Variants in ADAMTS19 observed in about 807,000 individuals in gnomAD.
ADAMTS19 encodes ADAM metallopeptidase with thrombospondin type 1 motif 19.
ADAMTS19 carries 93 observed loss-of-function variants against 153.3 expected under a neutral mutation model. The observed-to-expected ratio is 0.61, with a 90% CI of 0.51 to 0.72. ADAMTS19 has a LOEUF of 0.72. Ranked by LOEUF, ADAMTS19 falls within the 30% of genes least tolerant of loss-of-function variation. The pLI is 0.00. For synonymous variants in ADAMTS19, 600 were observed against 556.6 expected (o/e 1.08, Z -1.10); for missense variants, 1,482 against 1,552.1 (o/e 0.95, Z 0.76).
At chr5:129,468,606 C>T (rs887572871) in intron 2 of ADAMTS19, among the ~76,000 whole-genome samples, 3 of 152,098 alleles carry the variant, frequency 2.0e-5, no homozygotes, top group Non-Finnish European at 4.4e-5. Flanking sequence ...CCCACCTTGG[C>T]CTCCCAAAGT....
intron 2 of ADAMTS19, among the ~76,000 whole-genome samples, chr5:129,478,572 G>A: frequency 6.6e-6 from 1 of 152,018 alleles, no homozygotes; most frequent in East Asian, 1.9e-4. Context: ...TTAGAAACAG[G>A]GTCTTGCTCT....
At chr5:129,553,131 T>G (rs1033292581) in intron 7 of ADAMTS19, among the ~76,000 whole-genome samples, 1 of 152,124 alleles carries the variant, frequency 6.6e-6, no homozygotes, top group African/African-American at 2.4e-5. Context: ...AAAGCTTGTC[T>G]CAAAATAATA....
chr5:129,604,430 G>A (rs940974546), intron 8 of ADAMTS19, among the ~76,000 whole-genome samples: 1 of 152,076 alleles, frequency 6.6e-6, no homozygotes, highest in African/African-American at 2.4e-5. Flanking sequence ...AAGCATTTTA[G>A]TGGCACCACC....
At chr5:129,493,444 A>G (rs898330320) in intron 2 of ADAMTS19, among the ~76,000 whole-genome samples, 2 of 152,104 alleles carry the variant, frequency 1.3e-5, no homozygotes, top group African/African-American at 4.8e-5. Flanking sequence ...TTCTCAATTC[A>G]TTTTGCATTT....
chr5:129,726,670 T>A (rs1757224100), intron 21 of ADAMTS19, among the ~76,000 whole-genome samples: 1 of 152,120 alleles, frequency 6.6e-6, no homozygotes, highest in African/African-American at 2.4e-5. Context: ...AATAAAACTA[T>A]ATAGTGCATA....
intron 21 of ADAMTS19, among the ~76,000 whole-genome samples, chr5:129,710,535 C>T (rs1026307148): frequency 1.3e-5 from 2 of 152,148 alleles, no homozygotes; most frequent in Non-Finnish European, 2.9e-5. Flanking sequence ...ATCAAAACCC[C>T]AGTGTGATAC....
rs1477214363 is a variant in ADAMTS19, at chr5:129,738,583, T to C, written c.*1365T>C. 1.3e-5 allele frequency: 2 copies of C among 152,030 alleles called. No homozygotes were observed. Among genetic ancestry groups the C allele is most frequent in the Non-Finnish European group, 2.9e-5 (2 of 67,988 alleles). The allele number at this position is 152,030 out of a possible 1,614,324, so 9.4% of individuals were successfully genotyped here. ...TTCTGAGGTCACCTGGCTCTCTTCA[T>C]GTCACCCTTTGGGAAATGGGGCTCA... On this transcript the variant is annotated 3_prime_UTR_variant, in exon 23 of 23. Transcript: ENST00000274487.
At chr5:129,483,288 C>G (rs752161849) in intron 2 of ADAMTS19, among the ~76,000 whole-genome samples, 2 of 152,136 alleles carry the variant, frequency 1.3e-5, no homozygotes, top group Non-Finnish European at 2.9e-5. Flanking sequence ...CTCTCTGAGT[C>G]TCTGTTGCTT....
intron 6 of ADAMTS19, among the ~76,000 whole-genome samples, chr5:129,545,919 A>G (rs1277409202): frequency 6.7e-6 from 1 of 149,328 alleles, no homozygotes; most frequent in Non-Finnish European, 1.5e-5. Flanking sequence ...TCATGCTGCT[A>G]TAAAGACACA....
At chr5:129,728,039 C>T (rs1757278486) in intron 21 of ADAMTS19, among the ~76,000 whole-genome samples, 1 of 152,150 alleles carries the variant, frequency 6.6e-6, no homozygotes, top group Non-Finnish European at 1.5e-5. Context: ...CCCACCAAAA[C>T]CAAGATGGTG....
At chr5:129,592,990 A>T (rs1393338720) in intron 7 of ADAMTS19, among the ~76,000 whole-genome samples, 1 of 152,156 alleles carries the variant, frequency 6.6e-6, no homozygotes, top group African/African-American at 2.4e-5. Flanking sequence ...ACATGCTATT[A>T]TATTATAAAC....
chr5:129,462,622 G>T (rs1194880805), intron 2 of ADAMTS19, among the ~76,000 whole-genome samples: 3 of 149,950 alleles, frequency 2.0e-5, no homozygotes, highest in East Asian at 2.0e-4. Context: ...TGTGTGGGGG[G>T]GTCAAATATG....
intron 2 of ADAMTS19, among the ~76,000 whole-genome samples, chr5:129,505,855 G>A (rs913866704): frequency 1.3e-5 from 2 of 151,986 alleles, no homozygotes; most frequent in Admixed American, 6.6e-5. Flanking sequence ...GAAATGACTC[G>A]AGTTAAAATT....
intron 2 of ADAMTS19, among the ~76,000 whole-genome samples, chr5:129,507,897 C>T (rs917038798): frequency 4.0e-5 from 6 of 151,652 alleles, no homozygotes; most frequent in South Asian, 4.2e-4. Flanking sequence ...GATTTACCCT[C>T]GATTTACTTT....
intron 7 of ADAMTS19, among the ~76,000 whole-genome samples, chr5:129,570,851 A>G (rs185548364): frequency 6.6e-6 from 1 of 152,048 alleles, no homozygotes. Context: ...GAAAAAGCTT[A>G]TGACAAAATT....
chr5:129,532,567 C>T (rs1752248754), intron 6 of ADAMTS19, among the ~76,000 whole-genome samples: 1 of 152,086 alleles, frequency 6.6e-6, no homozygotes, highest in Non-Finnish European at 1.5e-5. Flanking sequence ...TACCATTTAG[C>T]CCACATCCGC....
chr5:129,563,983 A>T (rs1230347503), intron 7 of ADAMTS19, among the ~76,000 whole-genome samples: 2 of 151,950 alleles, frequency 1.3e-5, no homozygotes, highest in Non-Finnish European at 2.9e-5. Context: ...GCAGTGGCGC[A>T]ATCTCGGCTC....
intron 2 of ADAMTS19, among the ~76,000 whole-genome samples, chr5:129,505,304 G>A (rs919042527): frequency 6.6e-6 from 1 of 152,116 alleles, no homozygotes; most frequent in Non-Finnish European, 1.5e-5. Context: ...TTGGAAGTGA[G>A]ATAGTTGAAG....
intron 7 of ADAMTS19, among the ~76,000 whole-genome samples, chr5:129,592,936 T>C (rs756730536): frequency 2.0e-5 from 3 of 152,232 alleles, no homozygotes; most frequent in Non-Finnish European, 4.4e-5. Context: ...CTCATCGTTT[T>C]TGAATATTTT....
Sources: gnomAD v4.1 joint callset for allele counts (sites outside exome capture counted in the v4.1 genomes callset) on GRCh38, gnomAD v4.1.1 for gene constraint, MANE v1.5 for transcripts, NCBI Gene and HGNC (gene_info 2026-07-23, HGNC 2026-07-21) for gene names.